STRN3: variants seen among roughly 807,000 people sequenced by gnomAD.
STRN3 encodes striatin 3.
A neutral mutation model predicts 95.6 loss-of-function variants in STRN3; 29 were observed. That is an observed-to-expected ratio of 0.30 (90% CI 0.23 to 0.41). The LOEUF (loss-of-function observed/expected upper bound fraction) is 0.41. Among genes scored for constraint, STRN3 ranks in the 10% least tolerant of loss-of-function variants. STRN3 has a pLI of 1.00. For missense variants in STRN3, 890 were observed against 972.1 expected, an observed-to-expected ratio of 0.92 and a Z score of 1.12; for synonymous variants, 331 against 357.6, an observed-to-expected ratio of 0.93 and a Z score of 0.84.
intron 9 of STRN3, among the ~76,000 whole-genome samples, chr14:30,918,277 T>C (rs544458781): frequency 5.9e-5 from 9 of 152,132 alleles, no homozygotes; most frequent in East Asian, 1.9e-4. Context: ...GGAGCCAAGG[T>C]AGGCAGATCA....
At chr14:31,001,791 C>T (rs148484372) in intron 1 of STRN3, among the ~76,000 whole-genome samples, 23 of 152,162 alleles carry the variant, frequency 1.5e-4, no homozygotes, top group Middle Eastern at 3.4e-3. Context: ...CTTGGGAGGC[C>T]AAGGCAGGCG....
At chr14:31,018,581 TG>T in intron 1 of STRN3, 2 of 490,750 alleles carry the variant, frequency 4.1e-6, no homozygotes. Context: ...GAACAAGCTG[TG>T]GGTGTTGGAC....
rs765991021 is a variant in STRN3, at chr14:30,919,089, G to A, written c.1117C>T (p.Leu373Phe). The change falls in exon 9 of 18, where the codon CTC (leucine) becomes TTC (phenylalanine). Residue 373 changes from leucine to phenylalanine, a missense_variant. Physicochemically the swap from Leu to Phe is conservative, Grantham distance 22. Coordinates refer to ENST00000357479, the MANE Select transcript of STRN3 (RefSeq NM_001083893.2). ...KGVKRANRTK[L>F]YDMIADLGDD... The stretch of plus-strand genomic sequence containing the variant: ...CCCAGATCAGCTATCATGTCGTAGA[G>A]TTTTGTCCTGTTGGCCCCTGTAAAT... The A allele has an allele frequency of 1.1e-5, 17 of 1,606,958 alleles. No individual in the cohort carries two copies. The highest frequency in any genetic ancestry group is 1.4e-5 in the Non-Finnish European group (17 of 1,175,784).
chr14:30,972,804 C>T (rs1055906668), intron 1 of STRN3, among the ~76,000 whole-genome samples: 2 of 151,994 alleles, frequency 1.3e-5, no homozygotes, highest in African/African-American at 4.8e-5. Flanking sequence ...GACCCTATCT[C>T]TATTTAACTT....
At chr14:30,931,172 G>C (rs1297758225) in intron 7 of STRN3, among the ~76,000 whole-genome samples, 1 of 152,108 alleles carries the variant, frequency 6.6e-6, no homozygotes, top group Non-Finnish European at 1.5e-5. Context: ...AGTAAATTTA[G>C]GCAGTGCAAA....
chr14:30,955,649 C>G lies in STRN3; in HGVS notation c.431G>C (p.Gly144Ala). 6.3e-7 allele frequency: 1 copy of G among 1,579,332 alleles called. No homozygotes were observed. The highest frequency in any genetic ancestry group is 8.6e-7 in the Non-Finnish European group (1 of 1,169,194). The change falls in exon 3 of 18, where the codon GGT becomes GCT. Residue 144 changes from glycine (G) to alanine (A), a missense_variant. By Grantham distance (60) the Gly-to-Ala change is moderately conservative (BLOSUM62 0). Coordinates refer to ENST00000357479, the MANE Select transcript of STRN3 (RefSeq NM_001083893.2). ...CTCAAAGGTTGGCATTTTCAAGTCA[C>G]CTTGGTTCAGTTCCGTGCCATATTT... ...KLKYGTELNQ[G>A]DLKMPTFESE...
At chr14:30,951,027 C>A in intron 3 of STRN3, 83 bp from the exon 4 acceptor site, 2 of 1,182,844 alleles carry the variant, frequency 1.7e-6, no homozygotes, top group Non-Finnish European at 2.4e-6. Flanking sequence ...GGATAAATTC[C>A]CATAAAAACA....
chr14:30,985,590 C>T (rs575823916), intron 1 of STRN3, among the ~76,000 whole-genome samples: 3 of 92,306 alleles, frequency 3.3e-5, no homozygotes, highest in Non-Finnish European at 4.2e-5. Context: ...GCAACGAGAG[C>T]GAAACTCCAT....
At chr14:30,961,492 G>T (rs1054074091) in intron 1 of STRN3, among the ~76,000 whole-genome samples, 23 of 152,306 alleles carry the variant, frequency 1.5e-4, no homozygotes, top group African/African-American at 5.3e-4. Context: ...ACATTGTAGT[G>T]GGACGCATTA....
chr14:30,895,567 G>C lies in STRN3; in HGVS notation c.2238C>G (p.Ser746=). The part of the protein sequence containing the change: ...IYLMSGSHDC[S]IRLWNLDSKT... ...TGCTGTCTAAATTCCATAATCTGAT[G>C]GAACAGTCATGGCCTGTAAAAGAAC... Residue 746 remains serine (S), a synonymous_variant, in exon 18 of 18, where the codon TCC becomes TCG. Transcript: ENST00000357479. 6.2e-7 allele frequency: 1 copy of C among 1,613,488 alleles called. No homozygotes were observed. The highest frequency in any genetic ancestry group is 1.1e-5 in the South Asian group (1 of 91,012).
At chr14:30,947,564 A>C (rs938743728) in intron 4 of STRN3, among the ~76,000 whole-genome samples, 3 of 152,002 alleles carry the variant, frequency 2.0e-5, no homozygotes, top group East Asian at 1.9e-4. Context: ...CACATTTTTA[A>C]ATTTCCATAC....
At chr14:30,939,185 T>TAA (rs1878971503) in intron 5 of STRN3, among the ~76,000 whole-genome samples, 1 of 152,158 alleles carries the variant, frequency 6.6e-6, no homozygotes, top group South Asian at 2.1e-4. Flanking sequence ...TACTGAACAG[T>TAA]AAGCATGACT....
chr14:30,948,493 T>G (rs1434706376), intron 4 of STRN3, among the ~76,000 whole-genome samples: 1 of 151,916 alleles, frequency 6.6e-6, no homozygotes, highest in East Asian at 1.9e-4. Context: ...ATGAAAATAT[T>G]TGAGAAATTA....
At chr14:31,015,827 C>G (rs1883211709) in intron 1 of STRN3, among the ~76,000 whole-genome samples, 1 of 152,174 alleles carries the variant, frequency 6.6e-6, no homozygotes, top group Non-Finnish European at 1.5e-5. Context: ...GAGACAGGGA[C>G]TCACTCTGTC....
At chr14:31,003,792 T>C (rs1195815715) in intron 1 of STRN3, among the ~76,000 whole-genome samples, 1 of 74,644 alleles carries the variant, frequency 1.3e-5, no homozygotes, top group African/African-American at 4.7e-5. Flanking sequence ...AAACACATCT[T>C]TCTTAAAAAA....
At position 30,911,830 on chromosome 14, in the gene STRN3, A is replaced by C. The variant is rs765522519; in HGVS notation, c.1551-6T>G. The C allele has an allele frequency of 6.2e-7, 1 of 1,605,242 alleles. No homozygotes were observed. Among genetic ancestry groups the C allele is most frequent in the Non-Finnish European group, 8.5e-7 (1 of 1,177,384 alleles). ...CTACATCTAAAGAGGCACTCCTAAAAGAGGGGGAAAAAGGGTAGGGGAAGA... is the reference window on the plus strand; with the variant it reads ...CTACATCTAAAGAGGCACTCCTAAACGAGGGGGAAAAAGGGTAGGGGAAGA... On this transcript the variant is annotated splice_polypyrimidine_tract_variant and splice_region_variant and intron_variant, in intron 11 of 17. Coordinates refer to ENST00000357479, the MANE Select transcript of STRN3 (RefSeq NM_001083893.2).
At chr14:30,942,534 T>A (rs1472877366) in intron 5 of STRN3, among the ~76,000 whole-genome samples, 1 of 152,162 alleles carries the variant, frequency 6.6e-6, no homozygotes, top group Admixed American at 6.5e-5. Flanking sequence ...GCCCTGAGAT[T>A]CCAAACACGG....
intron 1 of STRN3, among the ~76,000 whole-genome samples, chr14:31,007,240 G>A (rs1001934148): frequency 6.6e-6 from 1 of 152,296 alleles, no homozygotes; most frequent in African/African-American, 2.4e-5. Flanking sequence ...ACCAAATCTT[G>A]AGAACAAGTC....
chr14:30,978,455 G>A (rs115745524), intron 1 of STRN3, among the ~76,000 whole-genome samples: 1 of 152,220 alleles, frequency 6.6e-6, no homozygotes, highest in African/African-American at 2.4e-5. Flanking sequence ...GGAATAAGGG[G>A]AACACCCTCA....
Sources: allele counts gnomAD v4.1 joint callset (sites outside exome capture counted in the v4.1 genomes callset), GRCh38; gene constraint gnomAD v4.1.1; transcripts MANE v1.5; gene names NCBI Gene and HGNC (gene_info 2026-07-23, HGNC 2026-07-21).